IL23R: variants seen among roughly 807,000 people sequenced by gnomAD.
IL23R encodes interleukin-23 receptor.
In IL23R, 34 loss-of-function variants were observed where a neutral mutation model predicts 56.9. The observed-to-expected ratio is 0.60, with a 90% CI of 0.45 to 0.80. The LOEUF is 0.80. Ranked by LOEUF, IL23R falls within the 30% of genes least tolerant of loss-of-function variation. The probability of loss-of-function intolerance (pLI) is 0.00; values close to 1 mark genes in which losing one functional copy is unlikely to be tolerated. For missense variants in IL23R, 635 were observed against 730.0 expected (o/e 0.87, Z 1.50); for synonymous variants, 230 against 249.2 (o/e 0.92, Z 0.73).
chr1:67,205,873 A>AT (rs1648968285), intron 5 of IL23R, among the ~76,000 whole-genome samples: 1 of 139,110 alleles, frequency 7.2e-6, no homozygotes, highest in African/African-American at 2.6e-5. Context: ...TTGAACATCC[A>AT]TCTTTCTTTC....
intron 1 of IL23R, among the ~76,000 whole-genome samples, chr1:67,150,521 GT>G (rs1288271360): frequency 6.6e-6 from 1 of 151,930 alleles, no homozygotes; most frequent in Non-Finnish European, 1.5e-5. Context: ...AACATGTGAT[GT>G]TTGGTTTTCT....
intron 6 of IL23R, among the ~76,000 whole-genome samples, chr1:67,218,523 C>T (rs1650023780): frequency 2.0e-5 from 3 of 151,948 alleles, no homozygotes; most frequent in Non-Finnish European, 4.4e-5. Flanking sequence ...AAATATCCAG[C>T]TGCAGGGGAG....
At chr1:67,205,895 C>CT (rs1461140145) in intron 5 of IL23R, among the ~76,000 whole-genome samples, 1 of 123,422 alleles carries the variant, frequency 8.1e-6, no homozygotes, top group Non-Finnish European at 1.8e-5. Flanking sequence ...TTCTTTCTTT[C>CT]TTTCTTTCTT....
At chr1:67,201,068 G>A (rs1648591999) in intron 5 of IL23R, among the ~76,000 whole-genome samples, 171 bp downstream of exon 5, 1 of 152,090 alleles carries the variant, frequency 6.6e-6, no homozygotes, top group Admixed American at 6.5e-5. Context: ...GATGAGTAGT[G>A]CTGCTGCCAT....
chr1:67,221,939 G>A (rs1030471574), intron 7 of IL23R, among the ~76,000 whole-genome samples: 1 of 152,046 alleles, frequency 6.6e-6, no homozygotes, highest in African/African-American at 2.4e-5. Flanking sequence ...GGAAATGGAG[G>A]CAGGTGGATT....
Position 67,173,828 on chromosome 1 carries a change from T to G in IL23R, c.367+4190T>G, listed in dbSNP as rs57956408. On this transcript the variant is annotated intron_variant, in intron 3 of 10. Coordinates refer to ENST00000347310, the MANE Select transcript of IL23R (RefSeq NM_144701.3). ...TTTACTAGTAACCATAATCCCTCTT[T>G]AATAATTTGGAATATGTCTTTGAAA... Among the ~76,000 whole-genome samples, 543 of 152,302 alleles carry G rather than the reference T, an allele frequency of 3.6e-3. 2 individuals are homozygous for G. The highest frequency in any genetic ancestry group is 0.012 in the African/African-American group (505 of 41,570).
chr1:67,221,364 A>T (rs192370284), intron 7 of IL23R, among the ~76,000 whole-genome samples: 1 of 152,314 alleles, frequency 6.6e-6, no homozygotes, highest in South Asian at 2.1e-4. Flanking sequence ...GAGACACAAA[A>T]CAATCATATC....
chr1:67,236,853 T>A (rs775866086), intron 8 of IL23R, 51 bp downstream of exon 8: 2 of 1,167,032 alleles, frequency 1.7e-6, no homozygotes, highest in South Asian at 2.4e-5. Context: ...TAATTGCCCA[T>A]TTTAACCCAT....
intron 1 of IL23R, among the ~76,000 whole-genome samples, chr1:67,160,201 T>G (rs1228732545): frequency 1.3e-5 from 2 of 152,156 alleles, no homozygotes; most frequent in African/African-American, 2.4e-5. Flanking sequence ...TGCATTATTT[T>G]CAGCACTAAA....
chr1:67,144,470 C>G (rs571481496), intron 1 of IL23R, among the ~76,000 whole-genome samples: 1 of 152,160 alleles, frequency 6.6e-6, no homozygotes, highest in Non-Finnish European at 1.5e-5. Flanking sequence ...TCTGTATTCA[C>G]GTCTTGTATT....
At chr1:67,143,856 G>T (rs1030727579) in intron 1 of IL23R, among the ~76,000 whole-genome samples, 9 of 152,164 alleles carry the variant, frequency 5.9e-5, no homozygotes, top group Admixed American at 2.0e-4. Flanking sequence ...GTAAATGTGT[G>T]TTTGTGTGTG....
At chr1:67,195,620 T>C (rs1166871988) in intron 4 of IL23R, among the ~76,000 whole-genome samples, 1 of 152,050 alleles carries the variant, frequency 6.6e-6, no homozygotes, top group East Asian at 1.9e-4. Flanking sequence ...ATGGTGTTCA[T>C]AGTGATCTCA....
chr1:67,209,181 A>G (rs532804687), intron 6 of IL23R, among the ~76,000 whole-genome samples: 105 of 152,258 alleles, frequency 6.9e-4, no homozygotes, highest in Non-Finnish European at 1.1e-3. Context: ...TTTTGATTTT[A>G]TAGGCTCATA....
chr1:67,148,211 T>C (rs905655523), intron 1 of IL23R, among the ~76,000 whole-genome samples: 3 of 152,186 alleles, frequency 2.0e-5, no homozygotes, highest in Admixed American at 2.0e-4. Flanking sequence ...TGGAAGTCAG[T>C]GGTGGGTCTG....
chr1:67,152,503 G>T (rs146308476), intron 1 of IL23R, among the ~76,000 whole-genome samples: 71 of 152,282 alleles, frequency 4.7e-4, no homozygotes, highest in Non-Finnish European at 9.1e-4. Context: ...GAATTGGAGT[G>T]GTGAGAGGGC....
chr1:67,177,691 C>T (rs1647029901), intron 3 of IL23R, among the ~76,000 whole-genome samples: 2 of 151,270 alleles, frequency 1.3e-5, no homozygotes, highest in Admixed American at 1.3e-4. Context: ...GAAGTCTTTG[C>T]CCATGCCTAT....
chr1:67,228,273 A>T (rs1055355563), intron 7 of IL23R, among the ~76,000 whole-genome samples: 21 of 145,934 alleles, frequency 1.4e-4, no homozygotes, highest in African/African-American at 5.4e-4. Flanking sequence ...AGCTCATAAG[A>T]TCTGGGCTCA....
chr1:67,146,501 C>T (rs1480355017), intron 1 of IL23R, among the ~76,000 whole-genome samples: 1 of 152,098 alleles, frequency 6.6e-6, no homozygotes, highest in Non-Finnish European at 1.5e-5. Context: ...AGGACTCAGG[C>T]CTGAATTGAT....
chr1:67,260,015 G>A (rs903376980), downstream of IL23R: 5 of 145,908 alleles, frequency 3.4e-5, no homozygotes, highest in Admixed American at 1.4e-4. Flanking sequence ...TGCTTGCAAA[G>A]GGAGAGGCAA....
Sources: allele counts gnomAD v4.1 joint callset (sites outside exome capture counted in the v4.1 genomes callset), GRCh38; gene constraint gnomAD v4.1.1; transcripts MANE v1.5; gene names NCBI Gene and HGNC (gene_info 2026-07-23, HGNC 2026-07-21).